Variants in EP300 observed in about 807,000 individuals in gnomAD.
EP300 encodes the protein histone acetyltransferase p300.
A neutral mutation model predicts 264.0 loss-of-function variants in EP300; 31 were observed. The ratio of observed to expected loss-of-function variants is 0.12; its 90% CI spans 0.09 to 0.16. EP300 has a LOEUF of 0.16. Among genes scored for constraint, EP300 ranks in the 10% least tolerant of loss-of-function variants. The pLI, the probability that EP300 is intolerant of heterozygous loss-of-function variation, is 1.00. For missense variants in EP300, 2,766 were observed against 3,052.9 expected (o/e 0.91, Z 2.21); for synonymous variants, 1,340 against 1,045.4 (o/e 1.28, Z -5.44).
At chr22:41,131,334 CTTT>C in intron 5 of EP300, 51 bp from the exon 6 acceptor site, 1 of 1,586,514 alleles carries the variant, frequency 6.3e-7, no homozygotes, top group Non-Finnish European at 8.6e-7. Context: ...ACATGTTAGT[CTTT>C]TTTTTCTCAC....
At chr22:41,105,373 T>C (rs1778278823) in intron 1 of EP300, among the ~76,000 whole-genome samples, 2 of 149,556 alleles carry the variant, frequency 1.3e-5, no homozygotes, top group African/African-American at 4.9e-5. Flanking sequence ...AAAAATTCAA[T>C]ATTGAAATGT....
In EP300 at chr22:41,151,787, C is replaced by T. The variant is rs538062998; in HGVS notation, c.2818-46C>T. 4.8e-5 allele frequency: 76 copies of T among 1,584,488 alleles called. 1 individual carries two copies. The South Asian group carries it at 7.8e-4, about 16-fold the overall frequency. ...CCTTACATTCTGATTGTATCGTTGG[C>T]AGACTCTGCGTGTGTCTCACCTACT... On this transcript the variant is annotated intron_variant, in intron 14 of 30. Coordinates refer to ENST00000263253, the MANE Select transcript of EP300 (RefSeq NM_001429.4).
intron 10 of EP300, 199 bp from the exon 11 acceptor site, chr22:41,146,540 C>T (rs989089151): frequency 1.3e-5 from 8 of 595,362 alleles, no homozygotes; most frequent in Non-Finnish European, 2.4e-5. Flanking sequence ...ACCAACAAAT[C>T]CACTTGGAGG....
chr22:41,134,165 T>TTC (rs546469077), intron 6 of EP300, among the ~76,000 whole-genome samples: 2 of 81,550 alleles, frequency 2.5e-5, no homozygotes, highest in African/African-American at 6.5e-5. Context: ...ATTCTTTTCT[T>TTC]TTTTTTTTTT....
At chr22:41,117,851 T>C (rs774558227) in intron 2 of EP300, 30 bp downstream of exon 2, 4 of 1,612,778 alleles carry the variant, frequency 2.5e-6, no homozygotes, top group East Asian at 2.2e-5. Flanking sequence ...GTGTGCACAA[T>C]CGGCATGCAT....
intron 24 of EP300, 45 bp from the exon 25 acceptor site, chr22:41,168,676 C>T (rs896987218): frequency 6.2e-7 from 1 of 1,614,216 alleles, no homozygotes; most frequent in Non-Finnish European, 8.5e-7. Flanking sequence ...TGATTCCAGT[C>T]TGAATGAGTT....
At chr22:41,154,898 G>T (rs2059068001) in intron 16 of EP300, 97 bp from the exon 17 acceptor site, 44 of 809,312 alleles carry the variant, frequency 5.4e-5, no homozygotes, top group Non-Finnish European at 5.9e-5. Context: ...TTTTGTTATT[G>T]ATTCTTGAGA....
rs1601606215 is a variant in EP300, at chr22:41,129,974, A to G, written c.1253A>G (p.Lys418Arg). 1 of 1,613,912 alleles carries G rather than the reference A, an allele frequency of 6.2e-7. No homozygotes were observed. Residue 418 changes from lysine (K) to arginine (R), a missense_variant, in exon 5 of 31, where the codon AAA becomes AGA. Coordinates refer to ENST00000263253, the MANE Select transcript of EP300 (RefSeq NM_001429.4). Reference protein sequence around the residue: ...RHDCPVCLPLKNAGDKRNQQP... With the variant: ...RHDCPVCLPLRNAGDKRNQQP... The stretch of plus-strand genomic sequence containing the variant: ...GATTGTCCTGTGTGTCTCCCCCTCA[A>G]AAATGCTGGTGATAAGAGAAATCAA...
chr22:41,099,519 A>C (rs1348509449), intron 1 of EP300, among the ~76,000 whole-genome samples: 1 of 152,212 alleles, frequency 6.6e-6, no homozygotes, highest in Non-Finnish European at 1.5e-5. Flanking sequence ...ATCACTTGTC[A>C]TGCACTGTGG....
At chr22:41,096,980 T>C (rs2058706116) in intron 1 of EP300, among the ~76,000 whole-genome samples, 1 of 152,222 alleles carries the variant, frequency 6.6e-6, no homozygotes, top group African/African-American at 2.4e-5. Context: ...CCAAAACATT[T>C]TGATCAAGAC....
intron 1 of EP300, among the ~76,000 whole-genome samples, chr22:41,111,451 G>T (rs536786656): frequency 6.6e-6 from 1 of 152,274 alleles, no homozygotes; most frequent in East Asian, 1.9e-4. Flanking sequence ...ATAGTGTGAT[G>T]ATATATGTAT....
intron 1 of EP300, among the ~76,000 whole-genome samples, chr22:41,100,291 A>T (rs538384566): frequency 3.5e-4 from 54 of 152,300 alleles, no homozygotes; most frequent in African/African-American, 1.3e-3. Context: ...ATATTTTTGT[A>T]CCACAGGTGT....
At chr22:41,162,686 A>G (rs751237889) in intron 20 of EP300, 37 bp from the exon 21 acceptor site, 12 of 1,542,074 alleles carry the variant, frequency 7.8e-6, no homozygotes, top group East Asian at 2.2e-5. Flanking sequence ...GCTCATCTCT[A>G]TCACTTTTTC....
chr22:41,132,403 T>G (rs113673125), intron 6 of EP300, among the ~76,000 whole-genome samples: 39,670 of 148,848 alleles, frequency 0.27, 6,284 homozygotes, highest in East Asian at 0.54. Context: ...ATCTCCTGCC[T>G]TAGCCTCCTG....
chr22:41,095,069 T>C (rs1370172316), intron 1 of EP300, among the ~76,000 whole-genome samples: 1 of 152,112 alleles, frequency 6.6e-6, no homozygotes, highest in Non-Finnish European at 1.5e-5. Context: ...AATTTTGTAA[T>C]GAGGGTTAAC....
intron 1 of EP300, among the ~76,000 whole-genome samples, chr22:41,095,175 G>A (rs978085824): frequency 6.6e-6 from 1 of 150,804 alleles, no homozygotes; most frequent in Non-Finnish European, 1.5e-5. Context: ...GGGGAGAAGT[G>A]AGTATAAAGA....
At chr22:41,133,818 CAT>C (rs2058934307) in intron 6 of EP300, among the ~76,000 whole-genome samples, 4 of 152,140 alleles carry the variant, frequency 2.6e-5, no homozygotes, top group Admixed American at 2.0e-4. Context: ...CTTTTAAGCA[CAT>C]GTTGAGCCAC....
chr22:41,133,546 T>C (rs1235286326), intron 6 of EP300, among the ~76,000 whole-genome samples: 1 of 152,194 alleles, frequency 6.6e-6, no homozygotes, highest in Non-Finnish European at 1.5e-5. Context: ...GGAATGTTTA[T>C]ATTTGCTGGT....
chr22:41,096,838 CGAACTCCT>C (rs1157709988), intron 1 of EP300, among the ~76,000 whole-genome samples: 1 of 151,972 alleles, frequency 6.6e-6, no homozygotes, highest in Non-Finnish European at 1.5e-5. Flanking sequence ...AGGCTGGTCT[CGAACTCCT>C]GACCTCAGGT....
Sources: gnomAD v4.1 joint callset for allele counts (sites outside exome capture counted in the v4.1 genomes callset) on GRCh38, gnomAD v4.1.1 for gene constraint, MANE v1.5 for transcripts, NCBI Gene and HGNC (gene_info 2026-07-23, HGNC 2026-07-21) for gene names.